The following PZP variants were observed in gnomAD, a reference collection of about 807,000 sequenced individuals.
The protein encoded by PZP is pregnancy zone protein.
In PZP, 150 loss-of-function variants were observed where a neutral mutation model predicts 179.8. That is an observed-to-expected ratio of 0.83 (90% CI 0.73 to 0.96). The LOEUF is 0.96. PZP is among the 40% of genes least tolerant of loss of function. The pLI is 0.00. For synonymous variants in PZP, 624 were observed against 652.3 expected, an observed-to-expected ratio of 0.96 and a Z score of 0.66; for missense variants, 1,689 against 1,764.0, an observed-to-expected ratio of 0.96 and a Z score of 0.76.
intron 2 of PZP, among the ~76,000 whole-genome samples, chr12:9,203,217 T>A (rs2121231025): frequency 6.6e-6 from 1 of 152,272 alleles, no homozygotes; most frequent in Non-Finnish European, 1.5e-5. Context: ...GGCAATAGGA[T>A]TATTATTTAG....
intron 28 of PZP, chr12:9,156,083 C>A: frequency 4.3e-6 from 1 of 230,404 alleles, no homozygotes; most frequent in South Asian, 7.4e-5. Context: ...TTGATTTGTT[C>A]TGCAGCTCCT....
At chr12:9,196,114 A>C (rs768300295) in intron 10 of PZP, among the ~76,000 whole-genome samples, 1 of 152,226 alleles carries the variant, frequency 6.6e-6, no homozygotes, top group South Asian at 2.1e-4. Flanking sequence ...TATTAGCTAC[A>C]TATTAAAATA....
chr12:9,160,982 G>A, intron 23 of PZP, 51 bp downstream of exon 23: 8 of 1,342,016 alleles, frequency 6.0e-6, no homozygotes, highest in Non-Finnish European at 8.6e-6. Flanking sequence ...TAGATAAGAT[G>A]TACAGTGGCA....
intron 13 of PZP, among the ~76,000 whole-genome samples, chr12:9,183,956 C>T (rs1221948671): frequency 6.6e-6 from 1 of 152,078 alleles, no homozygotes; most frequent in Non-Finnish European, 1.5e-5. Context: ...GCTCAGACCT[C>T]AAAAAGGAAA....
At position 9,200,973 on chromosome 12, in the gene PZP, G is replaced by T; in HGVS notation, c.589C>A (p.Pro197Thr). The change falls in exon 6 of 36, where the codon CCC (proline) becomes ACC (threonine). Residue 197 changes from proline to threonine, a missense_variant. Physicochemically the swap from Pro to Thr is conservative, Grantham distance 38. Around this residue, in one of 3 missense-constraint regions of PZP, gnomAD observed 742 missense variants for 730.5 expected, o/e 1.02. Transcript: ENST00000261336. The stretch of plus-strand genomic sequence containing the variant: ...ACCACCCTGTAGGAGCCCTGAATGG[G>T]CTCTGATGAGAGGGGAAAGGACAAC... ...NQLSFPLSSE[P>T]IQGSYRVVVQ... 1 of 1,614,084 alleles carries T rather than the reference G, an allele frequency of 6.2e-7. No homozygotes were observed. Among genetic ancestry groups the T allele is most frequent in the Non-Finnish European group, 8.5e-7 (1 of 1,179,964 alleles).
chr12:9,164,255 C>T lies in PZP; in HGVS notation c.2492G>A (p.Ser831Asn). ...LNYLPKCIRV[S>N]VQLKASPAFL... ...GGCTGGAGAGGCTTTCAGCTGCACA[C>T]TGACCTATCACCCCATGTGAGGCAG... The change falls in exon 20 of 36, where the codon AGT becomes AAT. Residue 831 changes from serine to asparagine, a missense_variant. By Grantham distance (46) the Ser-to-Asn change is conservative. This residue lies in a region of PZP where 201 missense variants were observed against 284.2 expected (regional missense o/e 0.71). Coordinates refer to ENST00000261336, the MANE Select transcript of PZP (RefSeq NM_002864.3). 5 of 1,613,054 alleles carry T rather than the reference C, an allele frequency of 3.1e-6. No individual in the cohort carries two copies. The highest frequency in any genetic ancestry group is 4.2e-6 in the Non-Finnish European group (5 of 1,179,252).
chr12:9,201,272 C>T, intron 5 of PZP, 55 bp downstream of exon 5: 1 of 1,439,376 alleles, frequency 6.9e-7, no homozygotes, highest in Non-Finnish European at 9.7e-7. Flanking sequence ...TTATCAGAAC[C>T]TCCTACTCTC....
chr12:9,194,130 C>G lies in PZP; in HGVS notation c.1201G>C (p.Ala401Pro), dbSNP rs751848034. 8 of 1,613,970 alleles carry G rather than the reference C, an allele frequency of 5.0e-6. No individual in the cohort carries two copies. In the East Asian group the frequency reaches 1.8e-4, roughly 36 times the overall value. The stretch of plus-strand genomic sequence containing the variant: ...CTGGTAGTATTGATTGAAAACTGTG[C>G]AAGACCCTGCTCATTGGTGGTTGCA... ...SNATTNEQGL[A>P]QFSINTTSIS... Residue 401 changes from alanine to proline, a missense_variant, in exon 11 of 36, where the codon GCA (alanine) becomes CCA (proline). Transcript: ENST00000261336.
At position 9,201,355 on chromosome 12, in the gene PZP, A is replaced by G; in HGVS notation, c.481-8T>C. On this transcript the variant is annotated splice_polypyrimidine_tract_variant and splice_region_variant and intron_variant, in intron 4 of 35. Coordinates refer to ENST00000261336, the MANE Select transcript of PZP (RefSeq NM_002864.3). The stretch of plus-strand genomic sequence containing the variant: ...AAGGTATATCAGTGGAATCTATATG[A>G]TAAAAGGAAAGAAGAGATGTGATTA... 1 of 1,556,366 alleles carries G rather than the reference A, an allele frequency of 6.4e-7. No individual in the cohort carries two copies. Among genetic ancestry groups the G allele is most frequent in the Non-Finnish European group, 8.8e-7 (1 of 1,133,332 alleles).
At chr12:9,151,251 C>T (rs1165361513) in intron 33 of PZP, among the ~76,000 whole-genome samples, 5 of 152,124 alleles carry the variant, frequency 3.3e-5, no homozygotes, top group Non-Finnish European at 5.9e-5. Flanking sequence ...AACAGGAATG[C>T]ATGATAACCT....
Position 9,202,563 on chromosome 12 carries a change from A to T in PZP, c.389T>A (p.Val130Asp), listed in dbSNP as rs35989918. The T allele has an allele frequency of 6.2e-7, 1 of 1,614,084 alleles. No homozygotes were observed. The highest frequency in any genetic ancestry group is 1.3e-5 in the African/African-American group (1 of 75,012). ...TTTATACATGGGTTTGTCTGTCTGG[A>T]CAAAGACCAGACTTTGGGTGTTCAG... ...LVLNTQSLVF[V>D]QTDKPMYKPG... Residue 130 changes from valine (V) to aspartate (D), a missense_variant, in exon 3 of 36, where the codon GTC (valine) becomes GAC (aspartate). By Grantham distance (152) the Val-to-Asp change is radical. Transcript: ENST00000261336.
At chr12:9,192,367 C>T in intron 12 of PZP, 111 bp from the exon 13 acceptor site, 1 of 1,298,470 alleles carries the variant, frequency 7.7e-7, no homozygotes, top group Non-Finnish European at 1.1e-6. Flanking sequence ...AGAGAATCAA[C>T]CTCAAGAAAA....
At chr12:9,173,660 C>T (rs1942158817) in intron 15 of PZP, among the ~76,000 whole-genome samples, 1 of 152,158 alleles carries the variant, frequency 6.6e-6, no homozygotes, top group South Asian at 2.1e-4. Context: ...CCACTGACCT[C>T]ACAGAAACGC....
Position 9,203,951 on chromosome 12 carries a change from C to T in PZP, c.84G>A (p.Pro28=). ...GGGAGGGGACCAGCACCATATACTG[C>T]CTGGGAAAGGAAGAAGTCTAAATTA... ...LSASDSNSTE[P]QYMVLVPSLL... The change falls in exon 2 of 36, where the codon CCG becomes CCA. Residue 28 remains proline, a splice_region_variant and synonymous_variant. Coordinates refer to ENST00000261336, the MANE Select transcript of PZP (RefSeq NM_002864.3). The T allele has an allele frequency of 6.2e-7, 1 of 1,604,934 alleles. No homozygotes were observed. Among genetic ancestry groups the T allele is most frequent in the Non-Finnish European group, 8.5e-7 (1 of 1,176,072 alleles).
chr12:9,200,710 T>G (rs1420540589), intron 6 of PZP, among the ~76,000 whole-genome samples, 182 bp downstream of exon 6: 1 of 152,204 alleles, frequency 6.6e-6, no homozygotes, highest in Non-Finnish European at 1.5e-5. Context: ...AAGCGTAATT[T>G]GCTACTGAAA....
chr12:9,172,438 C>G (rs184862664), intron 15 of PZP, among the ~76,000 whole-genome samples: 16 of 151,928 alleles, frequency 1.1e-4, no homozygotes, highest in Admixed American at 5.9e-4. Flanking sequence ...ATAAACAAGT[C>G]TGCAAAAAAG....
At chr12:9,182,877 A>G (rs1942861328) in intron 13 of PZP, among the ~76,000 whole-genome samples, 1 of 152,178 alleles carries the variant, frequency 6.6e-6, no homozygotes, top group African/African-American at 2.4e-5. Context: ...TACATAAAGG[A>G]CAGATACTCT....
chr12:9,200,451 G>C lies in PZP; in HGVS notation c.671-3C>G. On this transcript the variant is annotated splice_polypyrimidine_tract_variant and splice_region_variant and intron_variant, in intron 6 of 35. Coordinates refer to ENST00000261336, the MANE Select transcript of PZP (RefSeq NM_002864.3). Reference sequence around the variant, plus strand: ...TTTGACCTCAAACTTGGGAAGCACTGTTAATAGAGATAATAGGAATAAGGA... The same window carrying C: ...TTTGACCTCAAACTTGGGAAGCACTCTTAATAGAGATAATAGGAATAAGGA... 1 of 1,592,978 alleles carries C rather than the reference G, an allele frequency of 6.3e-7. No individual in the cohort carries two copies. Among genetic ancestry groups the C allele is most frequent in the Non-Finnish European group, 8.6e-7 (1 of 1,162,128 alleles).
At chr12:9,184,031 G>C (rs778899566) in intron 13 of PZP, among the ~76,000 whole-genome samples, 35 of 152,264 alleles carry the variant, frequency 2.3e-4, no homozygotes, top group Non-Finnish European at 3.7e-4. Flanking sequence ...AAGGAAAGTG[G>C]GGTAGATTGA....
Sources: allele counts gnomAD v4.1 joint callset (sites outside exome capture counted in the v4.1 genomes callset), GRCh38; gene constraint gnomAD v4.1.1; regional missense constraint gnomAD v4.1.1; transcripts MANE v1.5; gene names NCBI Gene and HGNC (gene_info 2026-07-23, HGNC 2026-07-21).